The following XKR4 variants were observed in gnomAD, a reference collection of about 807,000 sequenced individuals.
XKR4 encodes XK-related protein 4.
A neutral mutation model predicts 53.9 loss-of-function variants in XKR4; 12 were observed. The observed-to-expected ratio is 0.22, with a 90% CI of 0.14 to 0.36. XKR4 has a LOEUF of 0.36. XKR4 is among the 10% of genes least tolerant of loss of function. XKR4 has a pLI of 1.00. For missense variants in XKR4, 799 were observed against 859.5 expected (o/e 0.93, Z 0.88); for synonymous variants, 354 against 362.4 (o/e 0.98, Z 0.26).
intron 1 of XKR4, among the ~76,000 whole-genome samples, chr8:55,119,064 GC>G (rs1388736027): frequency 6.6e-6 from 1 of 152,122 alleles, no homozygotes; most frequent in African/African-American, 2.4e-5. Context: ...GAGTGAAAAT[GC>G]CTTCACTCAT....
At chr8:55,360,045 T>C (rs1803876792) in intron 2 of XKR4, among the ~76,000 whole-genome samples, 1 of 152,144 alleles carries the variant, frequency 6.6e-6, no homozygotes, top group Non-Finnish European at 1.5e-5. Context: ...GGAAACTAGG[T>C]TCTGTTTCAC....
intron 1 of XKR4, among the ~76,000 whole-genome samples, chr8:55,116,459 A>G (rs1452930893): frequency 6.6e-6 from 1 of 152,176 alleles, no homozygotes; most frequent in African/African-American, 2.4e-5. Flanking sequence ...GAGAAATAGG[A>G]TGGCTCAGTT....
chr8:55,193,966 T>A (rs370499301), intron 1 of XKR4, among the ~76,000 whole-genome samples: 2 of 152,304 alleles, frequency 1.3e-5, no homozygotes, highest in African/African-American at 4.8e-5. Flanking sequence ...CTTGTTTTCC[T>A]GTCCCCTGGG....
chr8:55,238,791 A>G (rs1818169289), intron 1 of XKR4, among the ~76,000 whole-genome samples: 3 of 152,350 alleles, frequency 2.0e-5, no homozygotes, highest in South Asian at 4.1e-4. Flanking sequence ...TTAAAACAAC[A>G]TAAATTAAAA....
chr8:55,263,845 A>G (rs1818563593), intron 1 of XKR4, among the ~76,000 whole-genome samples: 1 of 152,226 alleles, frequency 6.6e-6, no homozygotes, highest in Non-Finnish European at 1.5e-5. Flanking sequence ...TGCAGTCATC[A>G]AGCCACACTC....
intron 1 of XKR4, among the ~76,000 whole-genome samples, chr8:55,305,597 A>G (rs111740916): frequency 3.9e-5 from 6 of 152,312 alleles, no homozygotes; most frequent in African/African-American, 1.4e-4. Flanking sequence ...TAAATTGGGC[A>G]TAATAATATT....
At chr8:55,280,210 G>A (rs1006227339) in intron 1 of XKR4, among the ~76,000 whole-genome samples, 7 of 152,156 alleles carry the variant, frequency 4.6e-5, no homozygotes, top group African/African-American at 1.7e-4. Context: ...GGGTAAGAAT[G>A]AGCCAAATTG....
At chr8:55,238,869 A>C (rs1818170424) in intron 1 of XKR4, among the ~76,000 whole-genome samples, 1 of 152,320 alleles carries the variant, frequency 6.6e-6, no homozygotes, top group East Asian at 1.9e-4. Flanking sequence ...GTTCAGAAAC[A>C]TGAATAATTT....
At chr8:55,281,384 C>T (rs1818842730) in intron 1 of XKR4, among the ~76,000 whole-genome samples, 1 of 152,140 alleles carries the variant, frequency 6.6e-6, no homozygotes, top group Non-Finnish European at 1.5e-5. Context: ...ATTGGTTGAT[C>T]AGCACCACAC....
At chr8:55,283,460 T>A (rs747826396) in intron 1 of XKR4, among the ~76,000 whole-genome samples, 15 of 152,208 alleles carry the variant, frequency 9.9e-5, no homozygotes, top group Non-Finnish European at 2.1e-4. Context: ...AAGACTGTGA[T>A]GTAGATGACA....
chr8:55,401,800 A>T (rs1033683246), intron 2 of XKR4, among the ~76,000 whole-genome samples: 1 of 152,236 alleles, frequency 6.6e-6, no homozygotes, highest in Non-Finnish European at 1.5e-5. Flanking sequence ...TGTGTTGGTT[A>T]CACCTATCAA....
intron 1 of XKR4, among the ~76,000 whole-genome samples, chr8:55,206,662 C>T (rs1255684569): frequency 4.6e-5 from 7 of 152,116 alleles, no homozygotes; most frequent in Non-Finnish European, 1.0e-4. Context: ...ACAAATATTG[C>T]CCCTGAAAAA....
chr8:55,123,970 C>T (rs1816427138), intron 1 of XKR4, among the ~76,000 whole-genome samples: 1 of 152,160 alleles, frequency 6.6e-6, no homozygotes. Context: ...CTGCATGTCA[C>T]CATAAACTGT....
chr8:55,423,728 G>A lies in XKR4; in HGVS notation c.1006+65851G>A, dbSNP rs571244109. 3.3e-5 allele frequency among the ~76,000 whole-genome samples: 5 copies of A among 152,222 alleles called. No individual in the cohort carries two copies. The South Asian group carries it at 6.2e-4, about 19-fold the overall frequency. Reference sequence around the variant, plus strand: ...ATTTGTCCAATTTGTTCTCAAACCCGGCACCAGTCTCAGTGCTTGGCACAT... The same window carrying A: ...ATTTGTCCAATTTGTTCTCAAACCCAGCACCAGTCTCAGTGCTTGGCACAT... On this transcript the variant is annotated intron_variant, in intron 2 of 2. Coordinates refer to ENST00000327381, the MANE Select transcript of XKR4 (RefSeq NM_052898.2).
chr8:55,377,120 G>T (rs1251605133), intron 2 of XKR4, among the ~76,000 whole-genome samples: 1 of 152,184 alleles, frequency 6.6e-6, no homozygotes, highest in Non-Finnish European at 1.5e-5. Flanking sequence ...GAAAATGAAA[G>T]AAGTCTGCAG....
At chr8:55,116,853 G>A (rs1251815577) in intron 1 of XKR4, among the ~76,000 whole-genome samples, 1 of 152,054 alleles carries the variant, frequency 6.6e-6, no homozygotes, top group Non-Finnish European at 1.5e-5. Context: ...TCCTCTTTCA[G>A]TAGGTGTGGT....
intron 2 of XKR4, among the ~76,000 whole-genome samples, chr8:55,481,944 G>A (rs1199796096): frequency 6.6e-6 from 1 of 152,178 alleles, no homozygotes; most frequent in Non-Finnish European, 1.5e-5. Context: ...TTCCACTGTT[G>A]GTGGGACTGT....
rs1165289633 is a variant in XKR4, at chr8:55,538,539, A to G, written c.*14312A>G. 6.6e-6 allele frequency: 1 copy of G among 152,230 alleles called. No homozygotes were observed. The highest frequency in any genetic ancestry group is 1.5e-5 in the Non-Finnish European group (1 of 68,048). 9.4% of individuals were successfully genotyped at this position (152,230 alleles called of 1,614,324 possible). A position where few individuals can be genotyped will look rare whatever the true frequency, so the allele number is the denominator to read the frequency against. On this transcript the variant is annotated 3_prime_UTR_variant, in exon 3 of 3. Transcript: ENST00000327381. ...ATTTTCTTCAATGATTAGCTTTTTA[A>G]TGAGACAACTCCTTTCATCCAGACA...
intron 2 of XKR4, chr8:55,453,472 G>T: frequency 2.5e-6 from 1 of 397,604 alleles, no homozygotes. Context: ...ACACGTGGGA[G>T]ATGCAGTTGC....
Sources: gnomAD v4.1 joint callset for allele counts (sites outside exome capture counted in the v4.1 genomes callset) on GRCh38, gnomAD v4.1.1 for gene constraint, MANE v1.5 for transcripts, NCBI Gene and HGNC (gene_info 2026-07-23, HGNC 2026-07-21) for gene names.